Variants in ASAP2 observed in about 807,000 individuals in gnomAD.
ASAP2 encodes ArfGAP with SH3 domain, ankyrin repeat and PH domain 2, also known as arf-GAP with SH3 domain, ANK repeat and PH domain-containing protein 2.
A neutral mutation model predicts 131.4 loss-of-function variants in ASAP2; 45 were observed. The observed-to-expected ratio is 0.34, with a 90% CI of 0.27 to 0.44. The LOEUF is 0.44. Ranked by LOEUF, ASAP2 falls within the 20% of genes least tolerant of loss-of-function variation. The pLI, the probability that ASAP2 is intolerant of heterozygous loss-of-function variation, is 1.00. For missense variants in ASAP2, 1,011 were observed against 1,297.0 expected (o/e 0.78, Z 3.39); for synonymous variants, 510 against 503.0 (o/e 1.01, Z -0.19).
At chr2:9,279,440 G>A (rs1287558809) in intron 2 of ASAP2, 51 bp downstream of exon 2, 1 of 1,549,340 alleles carries the variant, frequency 6.5e-7, no homozygotes, top group African/African-American at 1.4e-5. Context: ...TGTCGCATTT[G>A]AAGTCCTGGT....
rs201787601 is a variant in ASAP2 at position 9,400,013 on chromosome 2, G to A, written c.2685-10G>A. On this transcript the variant is annotated splice_polypyrimidine_tract_variant and intron_variant, in intron 24 of 27. Transcript: ENST00000281419. ...GTAGCAGTAAATCTACTTTTTCCCT[G>A]TCTTTGTAGGGCTGACAAGTCCACC... 255 of 1,612,998 alleles carry A rather than the reference G, an allele frequency of 1.6e-4. No homozygotes were observed. Among genetic ancestry groups the A allele is most frequent in the Non-Finnish European group, 2.0e-4 (239 of 1,179,528 alleles).
Position 9,245,892 on chromosome 2 carries a change from T to C in ASAP2, c.127-33425T>C, listed in dbSNP as rs999988789. Reference sequence around the variant, plus strand: ...CAGAACTTGTTCTCAATAAATAGTTTGTTATTGTTGTTGTGGGGCTTGGAT... The same window carrying C: ...CAGAACTTGTTCTCAATAAATAGTTCGTTATTGTTGTTGTGGGGCTTGGAT... On this transcript the variant is annotated intron_variant, in intron 1 of 27. Transcript: ENST00000281419. Among the ~76,000 whole-genome samples the C allele has an allele frequency of 3.3e-5, 5 of 152,276 alleles. No individual in the cohort carries two copies. In the East Asian group the frequency reaches 5.8e-4, roughly 18 times the overall value.
At chr2:9,233,882 G>T (rs1054383570) in intron 1 of ASAP2, among the ~76,000 whole-genome samples, 2 of 152,054 alleles carry the variant, frequency 1.3e-5, no homozygotes, top group African/African-American at 4.8e-5. Flanking sequence ...AGGCTGGGGT[G>T]GGTGGATCAC....
chr2:9,288,992 A>C (rs2148354025), intron 2 of ASAP2, among the ~76,000 whole-genome samples: 1 of 152,288 alleles, frequency 6.6e-6, no homozygotes, highest in South Asian at 2.1e-4. Context: ...TTCTGTTACC[A>C]GCCCCCAGAA....
chr2:9,401,498 C>T (rs1458285790), intron 27 of ASAP2, 102 bp downstream of exon 27: 20 of 1,461,076 alleles, frequency 1.4e-5, no homozygotes, highest in African/African-American at 1.3e-4. Flanking sequence ...TCAGCCTGAG[C>T]AGTCCAGATG....
chr2:9,279,967 A>C (rs1667024229), intron 2 of ASAP2, among the ~76,000 whole-genome samples: 1 of 152,086 alleles, frequency 6.6e-6, no homozygotes, highest in Non-Finnish European at 1.5e-5. Flanking sequence ...CCCTTGTACA[A>C]ATCCTACGAG....
chr2:9,276,626 C>T (rs1365451570), intron 1 of ASAP2, among the ~76,000 whole-genome samples: 1 of 152,050 alleles, frequency 6.6e-6, no homozygotes, highest in Non-Finnish European at 1.5e-5. Context: ...CAACCTCCAC[C>T]TCCCAGGTTC....
chr2:9,210,219 C>G (rs1661437841), intron 1 of ASAP2, among the ~76,000 whole-genome samples: 3 of 152,324 alleles, frequency 2.0e-5, no homozygotes, highest in South Asian at 2.1e-4. Flanking sequence ...CTAAATTACT[C>G]CTTTGTCAGA....
rs374724954 is a variant in ASAP2 at position 9,327,929 on chromosome 2, A to G, written c.686+18A>G. ...CAATGCAAGTAAGTTCTTCTCTGTT[A>G]TGTTATCTTAAATGTTTGTTCATGT... On this transcript the variant is annotated intron_variant, in intron 7 of 27. Coordinates refer to ENST00000281419, the MANE Select transcript of ASAP2 (RefSeq NM_003887.3). The G allele has an allele frequency of 1.4e-5, 22 of 1,542,898 alleles. No individual in the cohort carries two copies. The highest frequency in any genetic ancestry group is 1.9e-5 in the Non-Finnish European group (22 of 1,148,790).
intron 1 of ASAP2, chr2:9,271,322 A>T: frequency 1.0e-6 from 1 of 970,292 alleles, no homozygotes; most frequent in African/African-American, 1.6e-5. Context: ...GTCCTTAGCC[A>T]GTCCAAGCTC....
At chr2:9,399,850 T>C (rs1180302603) in intron 24 of ASAP2, 173 bp from the exon 25 acceptor site, 13 of 654,642 alleles carry the variant, frequency 2.0e-5, no homozygotes, top group Non-Finnish European at 2.9e-5. Context: ...AGCACTTTCC[T>C]CAGGGCCTCT....
chr2:9,284,255 AGG>A (rs776165223), intron 2 of ASAP2, among the ~76,000 whole-genome samples: 14 of 152,136 alleles, frequency 9.2e-5, no homozygotes, highest in Admixed American at 3.9e-4. Context: ...TAGGATTTGG[AGG>A]TTGAATCAGT....
At chr2:9,371,153 G>A (rs1433516285) in intron 16 of ASAP2, among the ~76,000 whole-genome samples, 1 of 152,156 alleles carries the variant, frequency 6.6e-6, no homozygotes, top group Non-Finnish European at 1.5e-5. Context: ...CCTTGGCACT[G>A]TTGAAAAAGA....
At chr2:9,264,766 C>T (rs1035032615) in intron 1 of ASAP2, among the ~76,000 whole-genome samples, 29 of 151,978 alleles carry the variant, frequency 1.9e-4, no homozygotes, top group African/African-American at 6.8e-4. Flanking sequence ...TTTGCATCCT[C>T]GTGTTCAGTC....
chr2:9,207,531 G>A lies in ASAP2; in HGVS notation c.126+301G>A, dbSNP rs996184727. Among the ~76,000 whole-genome samples the A allele has an allele frequency of 6.6e-5, 10 of 152,026 alleles. No individual in the cohort carries two copies. The highest frequency in any genetic ancestry group is 1.2e-4 in the Non-Finnish European group (8 of 67,942). ...TTTGTCCAGAGTCGGGGTCCGCGGC[G>A]AGCGGGGGATCCCGCTGCCCGCCGC... On this transcript the variant is annotated intron_variant, in intron 1 of 27. Transcript: ENST00000281419. This position sits in a 1 kb window ranked among gnomAD's most constrained non-coding sequence, Gnocchi z 4.1.
chr2:9,244,116 A>G (rs565407334), intron 1 of ASAP2, among the ~76,000 whole-genome samples: 1 of 152,286 alleles, frequency 6.6e-6, no homozygotes, highest in East Asian at 1.9e-4. Flanking sequence ...TCTGGGCAAC[A>G]TGGTGAAACC....
chr2:9,255,047 C>T (rs1264665512), intron 1 of ASAP2, among the ~76,000 whole-genome samples: 5 of 152,240 alleles, frequency 3.3e-5, no homozygotes, highest in Non-Finnish European at 7.3e-5. Flanking sequence ...TTTCCACTAA[C>T]CACGTATGAG....
chr2:9,247,924 A>G (rs1248261481), intron 1 of ASAP2, among the ~76,000 whole-genome samples: 2 of 152,122 alleles, frequency 1.3e-5, no homozygotes, highest in African/African-American at 4.8e-5. Flanking sequence ...CCTCTTTATG[A>G]TGTATCCTCC....
intron 2 of ASAP2, among the ~76,000 whole-genome samples, chr2:9,287,602 A>T (rs75555464): frequency 0.013 from 2,021 of 152,238 alleles, 50 homozygotes; most frequent in African/African-American, 0.047. Context: ...CTTGACTCAG[A>T]TATGAGGGAG....
Sources: allele counts gnomAD v4.1 joint callset (sites outside exome capture counted in the v4.1 genomes callset), GRCh38; gene constraint gnomAD v4.1.1; non-coding constraint Gnocchi (gnomAD v3.1); transcripts MANE v1.5; gene names NCBI Gene and HGNC (gene_info 2026-07-23, HGNC 2026-07-21).